FBN1: variants seen among roughly 807,000 people sequenced by gnomAD.
FBN1 encodes the protein fibrillin 1, also known as fibrillin-1.
A neutral mutation model predicts 365.1 loss-of-function variants in FBN1; 29 were observed. The observed-to-expected ratio is 0.08, with a 90% CI of 0.06 to 0.11. The LOEUF is 0.11. FBN1 is among the 10% of genes least tolerant of loss of function. FBN1 has a pLI of 1.00. For synonymous variants in FBN1, 1,210 were observed against 1,270.5 expected (o/e 0.95, Z 1.01); for missense variants, 2,476 against 3,703.2 (o/e 0.67, Z 8.60).
intron 6 of FBN1, among the ~76,000 whole-genome samples, chr15:48,574,245 C>A (rs2044328017): frequency 6.6e-6 from 1 of 152,128 alleles, no homozygotes; most frequent in African/African-American, 2.4e-5. Flanking sequence ...GTGTGATTAT[C>A]CTGGAAGTAC....
intron 29 of FBN1, 89 bp downstream of exon 29, chr15:48,486,986 G>T (rs1408742543): frequency 9.4e-7 from 1 of 1,061,164 alleles, no homozygotes; most frequent in Admixed American, 3.6e-5. Flanking sequence ...AGGGAGAGAT[G>T]AAATAAAATA....
At chr15:48,463,550 T>C (rs940173183) in intron 41 of FBN1, among the ~76,000 whole-genome samples, 6 of 152,256 alleles carry the variant, frequency 3.9e-5, no homozygotes, top group Admixed American at 1.3e-4. Flanking sequence ...CTACTGCCAT[T>C]TGGCAATAAG....
chr15:48,565,863 A>G (rs2044255746), intron 6 of FBN1, among the ~76,000 whole-genome samples: 1 of 152,214 alleles, frequency 6.6e-6, no homozygotes, highest in African/African-American at 2.4e-5. Context: ...CTGTTCTTAA[A>G]TTGAATTGAA....
At chr15:48,478,333 AAT>A (rs2043439135) in intron 32 of FBN1, among the ~76,000 whole-genome samples, 1 of 152,206 alleles carries the variant, frequency 6.6e-6, no homozygotes, top group African/African-American at 2.4e-5. Flanking sequence ...TGGTGGTTGA[AAT>A]ATATGATTCT....
At chr15:48,470,584 G>A (rs1358588737) in intron 36 of FBN1, 50 bp downstream of exon 36, 2 of 1,612,216 alleles carry the variant, frequency 1.2e-6, no homozygotes, top group Non-Finnish European at 1.7e-6. Context: ...CCAATAGCTG[G>A]GTCCCCCGGG....
In FBN1 at chr15:48,534,203, C is replaced by T. The variant is rs772038055; in HGVS notation, c.739G>A (p.Val247Met). 1.5e-5 allele frequency: 24 copies of T among 1,610,708 alleles called. No homozygotes were observed. Among genetic ancestry groups the T allele is most frequent in the Non-Finnish European group, 1.7e-5 (20 of 1,178,398 alleles). Residue 247 changes from valine (V) to methionine (M), a missense_variant and splice_region_variant, in exon 8 of 66, where the codon GTG becomes ATG. By Grantham distance (21) the Val-to-Met change is conservative (BLOSUM62 1). This residue lies in a region of FBN1 where 421 missense variants were observed against 520.1 expected (regional missense o/e 0.81). Coordinates refer to ENST00000316623, the MANE Select transcript of FBN1 (RefSeq NM_000138.5). Reference protein sequence around the residue: ...PNIRTGACQDVDECQAIPGLC... With the variant: ...PNIRTGACQDMDECQAIPGLC... ...CCGGGGATGGCCTGGCATTCATCCA[C>T]ATCTGTCAGATTACAGAAGACAGAG...
chr15:48,500,173 A>G (rs1597572067), intron 17 of FBN1, among the ~76,000 whole-genome samples: 1 of 152,242 alleles, frequency 6.6e-6, no homozygotes, highest in East Asian at 1.9e-4. Flanking sequence ...CATCTTTTTT[A>G]TTCTGCTGTA....
intron 2 of FBN1, among the ~76,000 whole-genome samples, chr15:48,613,937 A>C (rs1335171085): frequency 6.6e-6 from 1 of 152,180 alleles, no homozygotes; most frequent in Non-Finnish European, 1.5e-5. Context: ...CCAAAAACAA[A>C]AAGTTTGGAA....
At chr15:48,492,359 G>GTGTC in intron 24 of FBN1, 102 bp downstream of exon 24, 1 of 1,172,004 alleles carries the variant, frequency 8.5e-7, no homozygotes, top group South Asian at 1.3e-5. Flanking sequence ...TTTGGAGTGT[G>GTGTC]TGTCTGTACC....
chr15:48,494,465 C>T (rs1316988849), intron 22 of FBN1, among the ~76,000 whole-genome samples: 1 of 152,144 alleles, frequency 6.6e-6, no homozygotes, highest in Admixed American at 6.5e-5. Flanking sequence ...AAGCTCAATT[C>T]CACTAAGATA....
chr15:48,583,439 C>T (rs1003571062), intron 6 of FBN1, among the ~76,000 whole-genome samples: 1 of 152,146 alleles, frequency 6.6e-6, no homozygotes, highest in African/African-American at 2.4e-5. Context: ...AAGCATCCCC[C>T]ACTCCCATCC....
At chr15:48,430,574 C>T (rs1423926806) in intron 56 of FBN1, 97 bp downstream of exon 56, 8 of 1,442,722 alleles carry the variant, frequency 5.5e-6, no homozygotes, top group Admixed American at 1.7e-5. Flanking sequence ...AAATGGGTCT[C>T]GCCAAGAACA....
intron 6 of FBN1, among the ~76,000 whole-genome samples, chr15:48,569,790 G>T (rs911993314): frequency 9.9e-5 from 15 of 152,238 alleles, no homozygotes; most frequent in Admixed American, 7.2e-4. Flanking sequence ...CCAGGGCTCT[G>T]GGAGAGAGCA....
chr15:48,593,913 C>G (rs1240022676), intron 6 of FBN1, among the ~76,000 whole-genome samples: 2 of 152,138 alleles, frequency 1.3e-5, no homozygotes, highest in African/African-American at 4.8e-5. Flanking sequence ...CATCACATCC[C>G]AGTTAAAACA....
chr15:48,456,762 T>A lies in FBN1; in HGVS notation c.5297A>T (p.Asp1766Val). Residue 1766 changes from aspartate (D) to valine (V), a missense_variant and splice_region_variant, in exon 44 of 66, where the codon GAT becomes GTT. Physicochemically the swap from Asp to Val is radical, Grantham distance 152. Coordinates refer to ENST00000316623, the MANE Select transcript of FBN1 (RefSeq NM_000138.5). ...VIDIYTGLPV[D>V]IDECREIPGV... ...TGGGATCTCCCGGCACTCATCAATA[T>A]CTAGAGACAGAGTAGTCATTCATGA... is the stretch of plus-strand genomic sequence containing the variant. 6.2e-7 allele frequency: 1 copy of A among 1,613,094 alleles called. No individual in the cohort carries two copies. Among genetic ancestry groups the A allele is most frequent in the South Asian group, 1.1e-5 (1 of 91,052 alleles).
At chr15:48,440,632 T>C (rs1257928549) in intron 50 of FBN1, among the ~76,000 whole-genome samples, 5 of 152,010 alleles carry the variant, frequency 3.3e-5, no homozygotes, top group East Asian at 1.9e-4. Flanking sequence ...AAATAACTAG[T>C]TGAAAAGTAA....
At chr15:48,447,542 A>G (rs1211544894) in intron 46 of FBN1, among the ~76,000 whole-genome samples, 1 of 152,188 alleles carries the variant, frequency 6.6e-6, no homozygotes, top group East Asian at 1.9e-4. Context: ...AGCAGCTAGC[A>G]TATTTCTTAT....
Position 48,411,112 on chromosome 15 carries a change from T to C in FBN1, c.8494A>G (p.Ser2832Gly), listed in dbSNP as rs376933421. Reference protein sequence around the residue: ...PVAGTYSLQISSTPLYKKKEL... With the variant: ...PVAGTYSLQIGSTPLYKKKEL... The stretch of plus-strand genomic sequence containing the variant: ...TTCTTTTTATAAAGTGGAGTACTAC[T>C]GATTTGTAATGAATAGGTTCCAGCC... Residue 2832 changes from serine (S) to glycine (G), a missense_variant, in exon 66 of 66, where the codon AGT becomes GGT. Around this residue, in one of 5 missense-constraint regions of FBN1, gnomAD observed 177 missense variants for 192.7 expected, o/e 0.92. Transcript: ENST00000316623. 1.9e-6 allele frequency: 3 copies of C among 1,614,066 alleles called. No individual in the cohort carries two copies. The highest frequency in any genetic ancestry group is 4.5e-5 in the East Asian group (2 of 44,878).
intron 7 of FBN1, among the ~76,000 whole-genome samples, chr15:48,536,674 G>C (rs973383398): frequency 1.3e-5 from 2 of 152,176 alleles, no homozygotes; most frequent in Non-Finnish European, 2.9e-5. Context: ...TGTTGTACAT[G>C]GGAGCTGAAG....
Sources: allele counts gnomAD v4.1 joint callset (sites outside exome capture counted in the v4.1 genomes callset), GRCh38; gene constraint gnomAD v4.1.1; regional missense constraint gnomAD v4.1.1; transcripts MANE v1.5; gene names NCBI Gene and HGNC (gene_info 2026-07-23, HGNC 2026-07-21).